FAM171B: variants seen among roughly 807,000 people sequenced by gnomAD.
The protein encoded by FAM171B is protein FAM171B.
FAM171B carries 19 observed loss-of-function variants against 75.6 expected under a neutral mutation model. The observed-to-expected ratio is 0.25, with a 90% CI of 0.18 to 0.37. FAM171B has a LOEUF of 0.37. Ranked by LOEUF, FAM171B falls within the 10% of genes least tolerant of loss-of-function variation. FAM171B has a pLI of 1.00. For missense variants in FAM171B, 848 were observed against 982.4 expected, an observed-to-expected ratio of 0.86 and a Z score of 1.83; for synonymous variants, 367 against 361.7, an observed-to-expected ratio of 1.01 and a Z score of -0.17.
chr2:186,757,368 A>C (rs1232460486), intron 6 of FAM171B, among the ~76,000 whole-genome samples: 1 of 152,278 alleles, frequency 6.6e-6, no homozygotes, highest in East Asian at 1.9e-4. Context: ...CAAGTGTTTT[A>C]GAAGCTCTGT....
chr2:186,695,918 TG>T (rs1689571804), intron 1 of FAM171B, among the ~76,000 whole-genome samples: 1 of 152,170 alleles, frequency 6.6e-6, no homozygotes. Context: ...GGGAGAGTGT[TG>T]GTGGGTTTTA....
At chr2:186,721,965 T>C (rs1242942049) in intron 1 of FAM171B, among the ~76,000 whole-genome samples, 2 of 152,134 alleles carry the variant, frequency 1.3e-5, no homozygotes, top group African/African-American at 2.4e-5. Context: ...TGGAATAAGA[T>C]TGAACATTTC....
chr2:186,699,670 T>G (rs910466573), intron 1 of FAM171B, among the ~76,000 whole-genome samples: 1 of 152,214 alleles, frequency 6.6e-6, no homozygotes, highest in African/African-American at 2.4e-5. Context: ...CCTGTGCTTG[T>G]AGGGTATTAC....
At chr2:186,707,682 G>A (rs1236807567) in intron 1 of FAM171B, among the ~76,000 whole-genome samples, 1 of 151,878 alleles carries the variant, frequency 6.6e-6, no homozygotes, top group Non-Finnish European at 1.5e-5. Context: ...TCTGTACCTC[G>A]GGAGTGACAG....
intron 1 of FAM171B, among the ~76,000 whole-genome samples, chr2:186,702,487 G>T (rs1240057973): frequency 1.3e-5 from 2 of 152,156 alleles, no homozygotes; most frequent in Non-Finnish European, 2.9e-5. Flanking sequence ...TTGGCGTTTT[G>T]CATCAGCACA....
At chr2:186,749,912 T>C (rs548267992) in intron 4 of FAM171B, among the ~76,000 whole-genome samples, 1 of 152,004 alleles carries the variant, frequency 6.6e-6, no homozygotes, top group East Asian at 1.9e-4. Context: ...CACTTACATT[T>C]GGGTGGGGGA....
chr2:186,730,088 G>T (rs750023234), intron 1 of FAM171B, among the ~76,000 whole-genome samples: 1 of 152,204 alleles, frequency 6.6e-6, no homozygotes, highest in Non-Finnish European at 1.5e-5. Context: ...AGCCTCCTGA[G>T]TAGCTGGGAC....
intron 1 of FAM171B, among the ~76,000 whole-genome samples, chr2:186,728,827 G>A (rs1022250756): frequency 2.0e-5 from 3 of 152,142 alleles, no homozygotes; most frequent in Admixed American, 6.5e-5. Context: ...CTACATAATG[G>A]TGACAACATA....
At chr2:186,721,177 G>A (rs1355420196) in intron 1 of FAM171B, among the ~76,000 whole-genome samples, 1 of 152,082 alleles carries the variant, frequency 6.6e-6, no homozygotes, top group Non-Finnish European at 1.5e-5. Context: ...GAATCATCTG[G>A]AACCTTTCAA....
chr2:186,752,583 C>A (rs1223762842), intron 5 of FAM171B, among the ~76,000 whole-genome samples: 1 of 152,042 alleles, frequency 6.6e-6, no homozygotes, highest in Admixed American at 6.6e-5. Context: ...TGTTAAGGCA[C>A]TTAAAAAAAG....
intron 6 of FAM171B, among the ~76,000 whole-genome samples, chr2:186,759,149 A>C (rs1690578579): frequency 6.6e-6 from 1 of 152,168 alleles, no homozygotes; most frequent in African/African-American, 2.4e-5. Flanking sequence ...TTATGGTTGA[A>C]TAGTACTCCA....
At chr2:186,695,517 A>G (rs192659589) in intron 1 of FAM171B, among the ~76,000 whole-genome samples, 2 of 152,332 alleles carry the variant, frequency 1.3e-5, no homozygotes, top group East Asian at 3.9e-4. Context: ...GATTTGAAAG[A>G]GTGGAATCAG....
intron 1 of FAM171B, among the ~76,000 whole-genome samples, chr2:186,721,900 A>C (rs924592269): frequency 3.9e-5 from 6 of 152,020 alleles, no homozygotes; most frequent in African/African-American, 1.4e-4. Context: ...GAAAAAAAAA[A>C]AAACCATATT....
At chr2:186,730,372 ATG>A (rs954463707) in intron 1 of FAM171B, among the ~76,000 whole-genome samples, 1 of 152,246 alleles carries the variant, frequency 6.6e-6, no homozygotes, top group Non-Finnish European at 1.5e-5. Context: ...TGGGCTGTAT[ATG>A]TGTGTGTGTC....
intron 1 of FAM171B, among the ~76,000 whole-genome samples, chr2:186,721,411 A>C (rs908738641): frequency 6.6e-6 from 1 of 152,248 alleles, no homozygotes; most frequent in Admixed American, 6.5e-5. Context: ...TAAGATTCTC[A>C]TTCAACATTT....
intron 1 of FAM171B, among the ~76,000 whole-genome samples, chr2:186,708,219 A>T (rs1242392850): frequency 6.6e-6 from 1 of 152,196 alleles, no homozygotes; most frequent in Non-Finnish European, 1.5e-5. Flanking sequence ...TGGTCAAAGT[A>T]TACAGGTTTT....
chr2:186,701,814 C>G (rs1689665382), intron 1 of FAM171B, among the ~76,000 whole-genome samples: 1 of 152,044 alleles, frequency 6.6e-6, no homozygotes, highest in Non-Finnish European at 1.5e-5. Context: ...AGAAACTGTA[C>G]CAATTATTTT....
At chr2:186,734,241 C>G (rs1385624512) in intron 1 of FAM171B, among the ~76,000 whole-genome samples, 1 of 151,984 alleles carries the variant, frequency 6.6e-6, no homozygotes, top group Non-Finnish European at 1.5e-5. Context: ...GAGAGGAGAC[C>G]TAGAGTGGGT....
intron 2 of FAM171B, among the ~76,000 whole-genome samples, chr2:186,741,026 CATATT>C (rs764220266): frequency 1.3e-5 from 2 of 152,112 alleles, no homozygotes; most frequent in African/African-American, 4.8e-5. Context: ...AGACAACTAA[CATATT>C]ATATATCTAC....
Sources: allele counts gnomAD v4.1 joint callset (sites outside exome capture counted in the v4.1 genomes callset), GRCh38; gene constraint gnomAD v4.1.1; transcripts MANE v1.5; gene names NCBI Gene and HGNC (gene_info 2026-07-23, HGNC 2026-07-21).